Variants in GALNT13 observed in about 807,000 individuals in gnomAD.
GALNT13 encodes polypeptide N-acetylgalactosaminyltransferase 13, also known as UDP-GalNAc:polypeptide N-acetylgalactosaminyltransferase 13.
GALNT13 carries 28 observed loss-of-function variants against 64.2 expected under a neutral mutation model. The ratio of observed to expected loss-of-function variants is 0.44; its 90% confidence interval spans 0.32 to 0.60. GALNT13 has a LOEUF of 0.60. Ranked by LOEUF, GALNT13 falls within the 20% of genes least tolerant of loss-of-function variation. GALNT13 has a pLI of 0.05. For missense variants in GALNT13, 577 were observed against 669.8 expected, an observed-to-expected ratio of 0.86 and a Z score of 1.53; for synonymous variants, 214 against 224.6, an observed-to-expected ratio of 0.95 and a Z score of 0.42.
At chr2:154,119,567 T>G in intron 3 of GALNT13, among the ~76,000 whole-genome samples, 1 of 152,102 alleles carries the variant, frequency 6.6e-6, no homozygotes, top group African/African-American at 2.4e-5. Context: ...TGCAAAGACT[T>G]GTTCTAGTGA....
At chr2:154,152,295 G>A (rs1344009549) in intron 4 of GALNT13, among the ~76,000 whole-genome samples, 1 of 152,106 alleles carries the variant, frequency 6.6e-6, no homozygotes. Flanking sequence ...TCTGCCGAGA[G>A]ATCCGCTGTT....
intron 3 of GALNT13, among the ~76,000 whole-genome samples, chr2:153,962,358 A>ACTCCAC: frequency 6.6e-6 from 1 of 152,202 alleles, no homozygotes; most frequent in Non-Finnish European, 1.5e-5. Context: ...GAGTATGTGG[A>ACTCCAC]ATGAATCAGT....
At chr2:154,189,472 CAAAAAAAA>C (rs35557058) in intron 4 of GALNT13, among the ~76,000 whole-genome samples, 1 of 81,412 alleles carries the variant, frequency 1.2e-5, no homozygotes, top group African/African-American at 4.7e-5. Context: ...ACGTGCACAC[CAAAAAAAA>C]AAAAAAAAAA....
chr2:153,511,301 G>T, the GALNT13 span, among the ~76,000 whole-genome samples: 1 of 151,732 alleles, frequency 6.6e-6, no homozygotes, highest in African/African-American at 2.4e-5. Flanking sequence ...AAGGGGCGGG[G>T]GTTGGCTATA....
the GALNT13 span, among the ~76,000 whole-genome samples, chr2:153,222,061 A>T: frequency 6.6e-6 from 1 of 151,918 alleles, no homozygotes; most frequent in African/African-American, 2.4e-5. Flanking sequence ...CTTTCAGTCC[A>T]GCCATTCAGC....
At chr2:153,159,007 G>C in the GALNT13 span, 10 of 167,594 alleles carry the variant, frequency 6.0e-5, no homozygotes, top group South Asian at 1.5e-3. Flanking sequence ...GCCCTCCCCA[G>C]TCCAGGGGTA....
At chr2:153,792,288 GTA>G in the GALNT13 span, among the ~76,000 whole-genome samples, 1 of 145,914 alleles carries the variant, frequency 6.9e-6, no homozygotes, top group Non-Finnish European at 1.5e-5. Flanking sequence ...TACTGAAAAT[GTA>G]CAGACTTTTT....
chr2:154,302,020 T>C lies in GALNT13; in HGVS notation c.1156+431T>C, dbSNP rs1051325951. 1.1e-4 allele frequency among the ~76,000 whole-genome samples: 17 copies of C among 152,166 alleles called. 1 individual carries two copies. The highest frequency in any genetic ancestry group is 3.9e-4 in the African/African-American group (16 of 41,558). On this transcript the variant is annotated intron_variant, in intron 9 of 12. Coordinates refer to ENST00000392825, the MANE Select transcript of GALNT13 (RefSeq NM_052917.4). ...CAATAAATATGTGTGAAAAATAATATGAGTAAAACGTTTTCATACTTTAGT... is the reference window on the plus strand; with the variant it reads ...CAATAAATATGTGTGAAAAATAATACGAGTAAAACGTTTTCATACTTTAGT...
chr2:154,264,329 AC>A (rs958113581), intron 8 of GALNT13, among the ~76,000 whole-genome samples: 3 of 151,920 alleles, frequency 2.0e-5, no homozygotes, highest in African/African-American at 7.2e-5. Flanking sequence ...CTTCTTAAAA[AC>A]CCATGGATAG....
At chr2:154,317,995 T>A (rs963532039) in intron 9 of GALNT13, among the ~76,000 whole-genome samples, 4 of 152,114 alleles carry the variant, frequency 2.6e-5, no homozygotes, top group Non-Finnish European at 4.4e-5. Context: ...TGTAGATAAC[T>A]GCTCTACCTC....
the GALNT13 span, among the ~76,000 whole-genome samples, chr2:153,352,231 G>T: frequency 6.6e-6 from 1 of 152,064 alleles, no homozygotes; most frequent in Non-Finnish European, 1.5e-5. Context: ...CTCTTGATAT[G>T]CTTATTTGCC....
chr2:153,400,902 G>A, the GALNT13 span, among the ~76,000 whole-genome samples: 11 of 151,958 alleles, frequency 7.2e-5, no homozygotes, highest in African/African-American at 2.4e-4. Flanking sequence ...ATTTTTTGAA[G>A]GGTTTTTTGT....
At chr2:153,958,226 A>T (rs537515351) in intron 3 of GALNT13, among the ~76,000 whole-genome samples, 1 of 151,998 alleles carries the variant, frequency 6.6e-6, no homozygotes, top group African/African-American at 2.4e-5. Context: ...CCCCTCCCCA[A>T]CCCACTGAGA....
At chr2:153,958,315 A>G (rs1215458610) in intron 3 of GALNT13, among the ~76,000 whole-genome samples, 1 of 152,122 alleles carries the variant, frequency 6.6e-6, no homozygotes. Flanking sequence ...TTAGGCATGA[A>G]TTTCTGTTGC....
chr2:153,217,827 T>A, the GALNT13 span, among the ~76,000 whole-genome samples: 6 of 152,332 alleles, frequency 3.9e-5, no homozygotes, highest in Admixed American at 3.3e-4. Flanking sequence ...TTAATACCTT[T>A]TCACATTGTG....
At chr2:153,889,558 G>A (rs1325752774) in intron 1 of GALNT13, among the ~76,000 whole-genome samples, 1 of 151,908 alleles carries the variant, frequency 6.6e-6, no homozygotes, top group Non-Finnish European at 1.5e-5. Context: ...TAATCATGTT[G>A]TATTATATGC....
intron 9 of GALNT13, among the ~76,000 whole-genome samples, chr2:154,311,245 A>C (rs986593194): frequency 6.6e-6 from 1 of 152,138 alleles, no homozygotes; most frequent in Non-Finnish European, 1.5e-5. Flanking sequence ...AATTGCACAG[A>C]TATATCGGGG....
At chr2:153,299,329 AACACACTC>A in the GALNT13 span, among the ~76,000 whole-genome samples, 1 of 152,364 alleles carries the variant, frequency 6.6e-6, no homozygotes, top group South Asian at 2.1e-4. Flanking sequence ...GCCAGGAAAC[AACACACTC>A]AAACTAGGTA....
At chr2:154,282,993 C>T (rs1345934956) in intron 8 of GALNT13, among the ~76,000 whole-genome samples, 1 of 152,162 alleles carries the variant, frequency 6.6e-6, no homozygotes, top group African/African-American at 2.4e-5. Context: ...AGTTTCATAT[C>T]AAGAATGAGG....
Sources: allele counts gnomAD v4.1 joint callset (sites outside exome capture counted in the v4.1 genomes callset), GRCh38; gene constraint gnomAD v4.1.1; transcripts MANE v1.5; gene names NCBI Gene and HGNC (gene_info 2026-07-23, HGNC 2026-07-21).